PBX3: variants seen among roughly 807,000 people sequenced by gnomAD.
PBX3 encodes PBX homeobox 3.
Under a neutral mutation model 48.5 loss-of-function variants are expected in PBX3, and 14 were observed. The ratio of observed to expected loss-of-function variants is 0.29; its 90% CI spans 0.19 to 0.45. The LOEUF is 0.45. Among genes scored for constraint, PBX3 ranks in the 20% least tolerant of loss-of-function variants. The pLI is 1.00. For missense variants in PBX3, 386 were observed against 546.7 expected, an observed-to-expected ratio of 0.71 and a Z score of 2.93; for synonymous variants, 210 against 200.3, an observed-to-expected ratio of 1.05 and a Z score of -0.41.
At chr9:125,863,489 C>T (rs1232245884) in intron 2 of PBX3, among the ~76,000 whole-genome samples, 5 of 152,094 alleles carry the variant, frequency 3.3e-5, no homozygotes, top group African/African-American at 4.8e-5. Context: ...GGATTACAGG[C>T]GTGAGCCACC....
chr9:125,796,005 CATTT>C (rs1469816404), intron 2 of PBX3, among the ~76,000 whole-genome samples: 1 of 152,106 alleles, frequency 6.6e-6, no homozygotes, highest in Non-Finnish European at 1.5e-5. Flanking sequence ...GTATTTAGTT[CATTT>C]GAGTCTTGAC....
chr9:125,930,262 G>T (rs1841684696), intron 4 of PBX3, among the ~76,000 whole-genome samples: 1 of 152,196 alleles, frequency 6.6e-6, no homozygotes. Context: ...GAAGGAAGTG[G>T]CATTTCAGTT....
At chr9:125,852,324 T>C (rs1839605717) in intron 2 of PBX3, among the ~76,000 whole-genome samples, 1 of 152,194 alleles carries the variant, frequency 6.6e-6, no homozygotes, top group African/African-American at 2.4e-5. Context: ...AGGTCTTTGT[T>C]ATCTTTTCCC....
At chr9:125,774,611 A>G (rs1260371277) in intron 2 of PBX3, among the ~76,000 whole-genome samples, 2 of 150,986 alleles carry the variant, frequency 1.3e-5, no homozygotes, top group African/African-American at 4.9e-5. Flanking sequence ...ATTTCATTGT[A>G]TGGATATACT....
chr9:125,778,197 G>A (rs1203540666), intron 2 of PBX3, among the ~76,000 whole-genome samples: 1 of 151,588 alleles, frequency 6.6e-6, no homozygotes, highest in Non-Finnish European at 1.5e-5. Flanking sequence ...CCAGACCTCA[G>A]GTAATCCACT....
Position 125,949,435 on chromosome 9 carries a change from A to G in PBX3, c.844-11249A>G, listed in dbSNP as rs770304122. The G allele has an allele frequency of 3.6e-5, 56 of 1,550,612 alleles. 1 individual carries two copies. Among genetic ancestry groups the G allele is most frequent in the Non-Finnish European group, 4.8e-5 (55 of 1,146,998 alleles). ...CAAAGGTTCTGACATCCAGCCAACT[A>G]GCGTGGTAAGTATTCACAGGCTCCC... On this transcript the variant is annotated intron_variant, in intron 5 of 8. Transcript: ENST00000373489.
chr9:125,916,135 C>T (rs1328091128), intron 3 of PBX3, among the ~76,000 whole-genome samples: 1 of 152,114 alleles, frequency 6.6e-6, no homozygotes, highest in African/African-American at 2.4e-5. Context: ...CTATTTTATC[C>T]CATCTACTTG....
At chr9:125,770,361 C>G (rs1461438440) in intron 2 of PBX3, among the ~76,000 whole-genome samples, 4 of 152,030 alleles carry the variant, frequency 2.6e-5, no homozygotes, top group Admixed American at 6.6e-5. Context: ...TCCTTTAGCT[C>G]CATTAATTTT....
intron 2 of PBX3, among the ~76,000 whole-genome samples, chr9:125,802,630 A>T (rs1255163621): frequency 1.3e-5 from 2 of 151,752 alleles, no homozygotes; most frequent in Non-Finnish European, 2.9e-5. Context: ...AGGCCTCCCA[A>T]AGTGTTGGGA....
At chr9:125,792,442 CA>C (rs1837639365) in intron 2 of PBX3, among the ~76,000 whole-genome samples, 1 of 151,966 alleles carries the variant, frequency 6.6e-6, no homozygotes, top group Non-Finnish European at 1.5e-5. Flanking sequence ...TAGTGGAGAT[CA>C]ATTAAATAGG....
chr9:125,893,127 C>T (rs1840689768), intron 2 of PBX3, among the ~76,000 whole-genome samples: 1 of 152,126 alleles, frequency 6.6e-6, no homozygotes, highest in Admixed American at 6.5e-5. Context: ...GTAAGCAATC[C>T]TGTAGTTCTT....
At chr9:125,747,727 T>C (rs981085016) in intron 1 of PBX3, 74 bp downstream of exon 1, 12 of 1,211,682 alleles carry the variant, frequency 9.9e-6, no homozygotes, top group Non-Finnish European at 1.3e-5. Flanking sequence ...AGGCCCGGGG[T>C]GGCGCCCGGG....
At chr9:125,798,601 C>A (rs985035002) in intron 2 of PBX3, among the ~76,000 whole-genome samples, 1 of 152,062 alleles carries the variant, frequency 6.6e-6, no homozygotes, top group Non-Finnish European at 1.5e-5. Flanking sequence ...CTGGAAACTT[C>A]TAGAGGGAAG....
chr9:125,842,616 T>C (rs1839318577), intron 2 of PBX3, among the ~76,000 whole-genome samples: 1 of 152,138 alleles, frequency 6.6e-6, no homozygotes. Context: ...AGGCAGTTTT[T>C]AGGAGAGAAC....
At chr9:125,897,150 T>TG (rs1235908181) in intron 2 of PBX3, among the ~76,000 whole-genome samples, 2 of 143,198 alleles carry the variant, frequency 1.4e-5, no homozygotes, top group Admixed American at 6.8e-5. Flanking sequence ...GGTTTTTTTT[T>TG]TTTTTTTTTT....
intron 2 of PBX3, among the ~76,000 whole-genome samples, chr9:125,792,095 G>A (rs1184672915): frequency 1.3e-5 from 2 of 151,722 alleles, no homozygotes; most frequent in Non-Finnish European, 2.9e-5. Flanking sequence ...AATAAATATT[G>A]GAGAGTACAT....
chr9:125,836,183 C>T (rs1329256856), intron 2 of PBX3, among the ~76,000 whole-genome samples: 6 of 152,134 alleles, frequency 3.9e-5, no homozygotes, highest in Admixed American at 6.5e-5. Context: ...CGGTGGCTCA[C>T]GCCTGTAATC....
rs1451901936 is a variant in PBX3 at position 125,965,973 on chromosome 9, G to T, written c.*50G>T. 2 of 1,339,134 alleles carry T rather than the reference G, an allele frequency of 1.5e-6. No homozygotes were observed. Among genetic ancestry groups the T allele is most frequent in the Non-Finnish European group, 2.1e-6 (2 of 936,010 alleles). The allele number at this position is 1,339,134 out of a possible 1,614,324, so 83.0% of individuals were successfully genotyped here. ...CTACATGCCTTGATAAGTGCATTCA[G>T]AGCAATAGGAGGAAAAGGAAAGCGT... On this transcript the variant is annotated 3_prime_UTR_variant, in exon 9 of 9. Transcript: ENST00000373489.
intron 2 of PBX3, among the ~76,000 whole-genome samples, chr9:125,905,932 C>T (rs1250437853): frequency 6.6e-6 from 1 of 151,970 alleles, no homozygotes; most frequent in Non-Finnish European, 1.5e-5. Flanking sequence ...TAGACACTTA[C>T]ATGGTTTTTA....
Sources: allele counts gnomAD v4.1 joint callset (sites outside exome capture counted in the v4.1 genomes callset), GRCh38; gene constraint gnomAD v4.1.1; transcripts MANE v1.5; gene names NCBI Gene and HGNC (gene_info 2026-07-23, HGNC 2026-07-21).